Variants in EPHA6 observed in about 807,000 individuals in gnomAD.
EPHA6 encodes ephrin type-A receptor 6.
Under a neutral mutation model 112.0 loss-of-function variants are expected in EPHA6, and 50 were observed. The observed-to-expected ratio is 0.45, with a 90% CI of 0.36 to 0.56. EPHA6 has a LOEUF of 0.56. EPHA6 is among the 20% of genes least tolerant of loss of function. The pLI, the probability that EPHA6 is intolerant of heterozygous loss-of-function variation, is 0.00. For synonymous variants in EPHA6, 529 were observed against 490.7 expected (o/e 1.08, Z -1.03); for missense variants, 1,280 against 1,417.4 (o/e 0.90, Z 1.56).
intron 4 of EPHA6, 96 bp downstream of exon 4, chr3:97,226,515 C>T: frequency 2.7e-6 from 3 of 1,122,140 alleles, no homozygotes; most frequent in Non-Finnish European, 3.8e-6. Context: ...CAAAATCTTG[C>T]ATTATCAATG....
At chr3:97,215,821 G>A (rs1356832976) in intron 3 of EPHA6, among the ~76,000 whole-genome samples, 2 of 152,160 alleles carry the variant, frequency 1.3e-5, no homozygotes, top group Admixed American at 6.5e-5. Context: ...GGATATGTTT[G>A]TAATTTGATT....
chr3:97,192,962 T>A (rs756218236), intron 3 of EPHA6, among the ~76,000 whole-genome samples: 5 of 152,130 alleles, frequency 3.3e-5, no homozygotes, highest in Admixed American at 1.3e-4. Context: ...AGTACGAATT[T>A]ATTTCTGGGT....
intron 5 of EPHA6, among the ~76,000 whole-genome samples, chr3:97,322,684 A>G (rs1234670566): frequency 6.6e-6 from 1 of 152,084 alleles, no homozygotes; most frequent in Admixed American, 6.6e-5. Flanking sequence ...ATTCTGTATG[A>G]TTCTTGAATT....
chr3:97,491,364 T>G (rs1418715829), intron 10 of EPHA6, among the ~76,000 whole-genome samples: 1 of 152,196 alleles, frequency 6.6e-6, no homozygotes, highest in Non-Finnish European at 1.5e-5. Context: ...AAGATGAGTC[T>G]TAGACACTCT....
At chr3:97,176,962 G>T (rs923010009) in intron 3 of EPHA6, among the ~76,000 whole-genome samples, 1 of 151,184 alleles carries the variant, frequency 6.6e-6, no homozygotes, top group Non-Finnish European at 1.5e-5. Flanking sequence ...AGTTCTTCAA[G>T]ATGCATCATC....
At chr3:96,919,746 T>C (rs2107624790) in intron 2 of EPHA6, among the ~76,000 whole-genome samples, 1 of 152,020 alleles carries the variant, frequency 6.6e-6, no homozygotes, top group African/African-American at 2.4e-5. Context: ...GACAAATCAC[T>C]TTGCTGCAAG....
intron 5 of EPHA6, among the ~76,000 whole-genome samples, chr3:97,387,336 T>G (rs1259363286): frequency 4.0e-5 from 6 of 151,026 alleles, no homozygotes; most frequent in African/African-American, 1.5e-4. Context: ...TTTTTTTGCT[T>G]ATGCAATTGA....
At chr3:97,370,230 C>T (rs2084968504) in intron 5 of EPHA6, among the ~76,000 whole-genome samples, 1 of 152,142 alleles carries the variant, frequency 6.6e-6, no homozygotes, top group African/African-American at 2.4e-5. Flanking sequence ...CCAAGAGTAA[C>T]TCATTTTCCT....
chr3:96,871,797 A>G (rs1262620899), intron 2 of EPHA6, among the ~76,000 whole-genome samples: 2 of 152,078 alleles, frequency 1.3e-5, no homozygotes, highest in Non-Finnish European at 2.9e-5. Context: ...TATATAATCA[A>G]AACATATGTT....
chr3:97,219,870 T>G (rs2078141281), intron 3 of EPHA6, among the ~76,000 whole-genome samples: 1 of 152,224 alleles, frequency 6.6e-6, no homozygotes, highest in South Asian at 2.1e-4. Flanking sequence ...ACTTCCCTTT[T>G]AAACGTAAGT....
chr3:97,561,878 C>T (rs2093197494), intron 11 of EPHA6, among the ~76,000 whole-genome samples: 1 of 152,116 alleles, frequency 6.6e-6, no homozygotes, highest in Non-Finnish European at 1.5e-5. Flanking sequence ...ATTTACCATT[C>T]TGAAAATCCT....
At chr3:96,834,811 G>A (rs950474873) in intron 1 of EPHA6, among the ~76,000 whole-genome samples, 16 of 151,934 alleles carry the variant, frequency 1.1e-4, no homozygotes, top group African/African-American at 1.2e-4. Context: ...TTGGAAAATG[G>A]CGTAATATCT....
At chr3:96,946,323 C>T (rs148400797) in intron 2 of EPHA6, among the ~76,000 whole-genome samples, 6 of 151,994 alleles carry the variant, frequency 3.9e-5, no homozygotes, top group East Asian at 1.9e-4. Flanking sequence ...TCCCTCCCCC[C>T]CTTCCCCCAC....
intron 10 of EPHA6, among the ~76,000 whole-genome samples, chr3:97,524,708 G>A (rs190502266): frequency 2.6e-4 from 40 of 152,106 alleles, no homozygotes; most frequent in Middle Eastern, 3.4e-3. Context: ...AGAATGTCTT[G>A]ATCTCATTTT....
intron 4 of EPHA6, among the ~76,000 whole-genome samples, chr3:97,241,755 G>GTTTTTT (rs553996537): frequency 6.8e-5 from 8 of 116,910 alleles, no homozygotes; most frequent in African/African-American, 8.4e-5. Context: ...CAGCCTTCTT[G>GTTTTTT]TTTTTTTTTT....
intron 3 of EPHA6, among the ~76,000 whole-genome samples, chr3:97,028,167 T>A (rs1361142911): frequency 2.0e-5 from 3 of 152,146 alleles, no homozygotes; most frequent in Non-Finnish European, 4.4e-5. Context: ...TTTGTTTATA[T>A]AGAGAGGAGA....
rs150656529 is a variant in EPHA6, at chr3:97,338,093, CGT to C, written c.1607-67042_1607-67041del. Among the ~76,000 whole-genome samples the C allele has an allele frequency of 2.6e-3, 384 of 150,118 alleles. 2 individuals carry two copies. Among genetic ancestry groups the C allele is most frequent in the African/African-American group, 7.6e-3 (313 of 41,102 alleles). On this transcript the variant is annotated intron_variant, in intron 5 of 17. Coordinates refer to ENST00000389672, the MANE Select transcript of EPHA6 (RefSeq NM_001080448.3). ...TTCAGATAATGGTTGTGTGTGTGTG[CGT>C]GTGTGTGTGTGTGTTTTCCACAAAC... is the stretch of plus-strand genomic sequence containing the variant.
intron 14 of EPHA6, among the ~76,000 whole-genome samples, chr3:97,691,280 A>G (rs550580271): frequency 3.3e-5 from 5 of 152,268 alleles, no homozygotes; most frequent in East Asian, 3.9e-4. Context: ...TAGACTCTCA[A>G]TTCTATTCCA....
At chr3:97,404,360 G>A (rs746487331) in intron 5 of EPHA6, among the ~76,000 whole-genome samples, 6 of 152,058 alleles carry the variant, frequency 3.9e-5, no homozygotes, top group South Asian at 2.1e-4. Context: ...GAGAAATGGC[G>A]TATCAATGTG....
Sources: gnomAD v4.1 joint callset for allele counts (sites outside exome capture counted in the v4.1 genomes callset) on GRCh38, gnomAD v4.1.1 for gene constraint, MANE v1.5 for transcripts, NCBI Gene and HGNC (gene_info 2026-07-23, HGNC 2026-07-21) for gene names.